Variants in HPSE2 observed in about 807,000 individuals in gnomAD.
HPSE2 encodes the protein heparanase 2 (inactive).
HPSE2 carries 38 observed loss-of-function variants against 60.5 expected under a neutral mutation model. The observed-to-expected ratio is 0.63, with a 90% CI of 0.48 to 0.82. The LOEUF (loss-of-function observed/expected upper bound fraction) is 0.82, where lower values mean the gene tolerates loss of function less well. Ranked by LOEUF, HPSE2 falls within the 40% of genes least tolerant of loss-of-function variation. HPSE2 has a pLI of 0.00. For missense variants in HPSE2, 713 were observed against 740.4 expected, an observed-to-expected ratio of 0.96 and a Z score of 0.43; for synonymous variants, 295 against 293.2, an observed-to-expected ratio of 1.01 and a Z score of -0.06.
the HPSE2 span, among the ~76,000 whole-genome samples, chr10:99,298,987 T>C: frequency 6.6e-6 from 1 of 152,168 alleles, no homozygotes; most frequent in Non-Finnish European, 1.5e-5. Context: ...CAGGTTTTTA[T>C]AGCTCTCTAC....
intron 7 of HPSE2, among the ~76,000 whole-genome samples, chr10:98,621,070 T>A (rs1946061434): frequency 6.6e-6 from 1 of 152,008 alleles, no homozygotes; most frequent in Non-Finnish European, 1.5e-5. Context: ...TGCTTTTCAG[T>A]CTCTCTTATA....
the HPSE2 span, among the ~76,000 whole-genome samples, chr10:99,304,211 G>T: frequency 1.2e-3 from 176 of 152,320 alleles, no homozygotes; most frequent in African/African-American, 4.0e-3. Flanking sequence ...CTTTCAATCA[G>T]ACATGCCTAC....
chr10:98,755,556 C>T (rs1932727), intron 3 of HPSE2, among the ~76,000 whole-genome samples: 2,129 of 152,268 alleles, frequency 0.014, 45 homozygotes, highest in African/African-American at 0.048. Flanking sequence ...CCAACAACAA[C>T]GGAATATACA....
intron 9 of HPSE2, among the ~76,000 whole-genome samples, chr10:98,527,993 G>A (rs930603021): frequency 6.6e-6 from 1 of 152,180 alleles, no homozygotes; most frequent in African/African-American, 2.4e-5. Context: ...TCAGCAGTGG[G>A]ACAGGTGGGT....
chr10:98,922,491 T>C (rs939780723), intron 3 of HPSE2, among the ~76,000 whole-genome samples: 1 of 152,156 alleles, frequency 6.6e-6, no homozygotes, highest in African/African-American at 2.4e-5. Flanking sequence ...AGCTAATGCA[T>C]TGGAAGGTAA....
chr10:98,569,333 T>A (rs1944433885), intron 9 of HPSE2, among the ~76,000 whole-genome samples: 1 of 152,186 alleles, frequency 6.6e-6, no homozygotes, highest in Non-Finnish European at 1.5e-5. Flanking sequence ...AGTGCTGGGA[T>A]TACAGACGTG....
intron 3 of HPSE2, among the ~76,000 whole-genome samples, chr10:98,998,625 G>A (rs781066779): frequency 5.3e-5 from 8 of 152,162 alleles, no homozygotes; most frequent in Admixed American, 4.6e-4. Flanking sequence ...CACAGGAAGT[G>A]AACCAGATCA....
At chr10:98,606,602 T>C (rs544187985) in intron 9 of HPSE2, among the ~76,000 whole-genome samples, 4 of 152,354 alleles carry the variant, frequency 2.6e-5, no homozygotes, top group South Asian at 4.1e-4. Flanking sequence ...AAATGGTGTG[T>C]TCTATTGAAT....
chr10:98,578,435 T>G (rs1378011633), intron 9 of HPSE2, among the ~76,000 whole-genome samples: 2 of 152,216 alleles, frequency 1.3e-5, no homozygotes, highest in African/African-American at 4.8e-5. Context: ...GCCACACTCC[T>G]GCTTTTTACA....
At chr10:99,008,920 A>T (rs1358882676) in intron 3 of HPSE2, among the ~76,000 whole-genome samples, 2 of 152,154 alleles carry the variant, frequency 1.3e-5, no homozygotes, top group Admixed American at 6.5e-5. Flanking sequence ...AAAAACATCC[A>T]TTATTGTAGA....
chr10:98,645,312 G>C (rs1412566496), intron 6 of HPSE2, among the ~76,000 whole-genome samples: 1 of 152,220 alleles, frequency 6.6e-6, no homozygotes, highest in East Asian at 1.9e-4. Flanking sequence ...AAATGTTGAC[G>C]TGGGGGTCTT....
At chr10:98,847,946 T>C (rs1952071945) in intron 3 of HPSE2, among the ~76,000 whole-genome samples, 1 of 152,178 alleles carries the variant, frequency 6.6e-6, no homozygotes, top group South Asian at 2.1e-4. Flanking sequence ...AACCAGCATA[T>C]CAATTAAAAA....
At position 98,792,221 on chromosome 10, in the gene HPSE2, CAATA is replaced by C. The variant is rs530282245; in HGVS notation, c.611-48169_611-48166del. Among the ~76,000 whole-genome samples the C allele has an allele frequency of 8.6e-4, 131 of 151,896 alleles. No homozygotes were observed. In the East Asian group the frequency reaches 0.023, roughly 27 times the overall value. On this transcript the variant is annotated intron_variant, in intron 3 of 11. Transcript: ENST00000370552. ...CAATCAAAAGGTTTTTTTTTTCAGC[CAATA>C]AATCTAATCTGTACACACTCATTTT...
At chr10:99,101,750 C>T (rs4644588) in intron 3 of HPSE2, among the ~76,000 whole-genome samples, 74,708 of 152,022 alleles carry the variant, frequency 0.49, 20,804 homozygotes, top group East Asian at 0.65. Context: ...CACTCCTCAG[C>T]AAATGTAAAA....
At chr10:99,165,604 T>C (rs945203223) in intron 2 of HPSE2, among the ~76,000 whole-genome samples, 4 of 151,964 alleles carry the variant, frequency 2.6e-5, no homozygotes, top group Admixed American at 2.6e-4. Flanking sequence ...CGGAGTGCAG[T>C]GGTGTGATCT....
chr10:99,000,970 T>A (rs369590313), intron 3 of HPSE2, among the ~76,000 whole-genome samples: 2 of 152,078 alleles, frequency 1.3e-5, no homozygotes, highest in East Asian at 1.9e-4. Flanking sequence ...AAAGAAAGCA[T>A]ATGAGTAATA....
chr10:99,226,085 T>C (rs1366384246), intron 2 of HPSE2, among the ~76,000 whole-genome samples: 1 of 152,018 alleles, frequency 6.6e-6, no homozygotes, highest in East Asian at 1.9e-4. Context: ...TTTTACCACA[T>C]GAAGATAATT....
intron 3 of HPSE2, among the ~76,000 whole-genome samples, chr10:98,885,398 G>A (rs781088852): frequency 5.3e-5 from 8 of 152,134 alleles, no homozygotes; most frequent in Non-Finnish European, 1.5e-5. Flanking sequence ...GCTTAATAAA[G>A]CAACTGCAGA....
intron 3 of HPSE2, among the ~76,000 whole-genome samples, chr10:98,995,528 C>T (rs1956623779): frequency 6.6e-6 from 1 of 152,264 alleles, no homozygotes; most frequent in South Asian, 2.1e-4. Context: ...ATTTATTCTC[C>T]TCTCCGGATA....
Sources: gnomAD v4.1 joint callset for allele counts (sites outside exome capture counted in the v4.1 genomes callset) on GRCh38, gnomAD v4.1.1 for gene constraint, MANE v1.5 for transcripts, NCBI Gene and HGNC (gene_info 2026-07-23, HGNC 2026-07-21) for gene names.